The following CDH23 variants were observed in gnomAD, a reference collection of about 807,000 sequenced individuals.
CDH23 encodes cadherin related 23.
A neutral mutation model predicts 317.1 loss-of-function variants in CDH23; 189 were observed. The observed-to-expected ratio is 0.60, with a 90% CI of 0.53 to 0.67. The LOEUF (loss-of-function observed/expected upper bound fraction) is 0.67, where lower values mean the gene tolerates loss of function less well. Ranked by LOEUF, CDH23 falls within the 30% of genes least tolerant of loss-of-function variation. The pLI, the probability that CDH23 is intolerant of heterozygous loss-of-function variation, is 0.00. For synonymous variants in CDH23, 1,839 were observed against 1,876.8 expected, an observed-to-expected ratio of 0.98 and a Z score of 0.52; for missense variants, 4,401 against 4,592.4, an observed-to-expected ratio of 0.96 and a Z score of 1.20.
chr10:71,565,280 T>C (rs951669557), intron 6 of CDH23, among the ~76,000 whole-genome samples: 1 of 152,038 alleles, frequency 6.6e-6, no homozygotes, highest in Non-Finnish European at 1.5e-5. Context: ...CCCCTAGGGC[T>C]GAAGGGAAAG....
At chr10:71,687,746 G>T in intron 19 of CDH23, 27 bp downstream of exon 19, 4 of 1,605,886 alleles carry the variant, frequency 2.5e-6, no homozygotes, top group South Asian at 1.1e-5. Flanking sequence ...GGGGGTGGGG[G>T]GCACATGGAG....
intron 28 of CDH23, chr10:71,715,915 G>T (rs1400268404): frequency 6.9e-7 from 1 of 1,447,142 alleles, no homozygotes; most frequent in East Asian, 2.6e-5. Context: ...GGGATGTGGG[G>T]GCATGTTTGT....
intron 38 of CDH23, among the ~76,000 whole-genome samples, chr10:71,774,161 A>G (rs975179452): frequency 2.4e-4 from 36 of 151,938 alleles, no homozygotes; most frequent in African/African-American, 8.5e-4. Flanking sequence ...TGCAGGCAAC[A>G]CCTGTTGGCG....
At chr10:71,518,509 T>A (rs539121902) in intron 6 of CDH23, among the ~76,000 whole-genome samples, 2 of 152,270 alleles carry the variant, frequency 1.3e-5, no homozygotes, top group Admixed American at 6.5e-5. Flanking sequence ...CTGTCTGCAG[T>A]GAGGACCACC....
At chr10:71,736,660 C>T (rs1271652318) in intron 34 of CDH23, among the ~76,000 whole-genome samples, 2 of 152,216 alleles carry the variant, frequency 1.3e-5, no homozygotes, top group Admixed American at 1.3e-4. Flanking sequence ...AGCAGCCCCC[C>T]TCACCCCTGC....
At chr10:71,777,588 TGGA>T in intron 38 of CDH23, 89 bp from the exon 39 acceptor site, 1 of 1,089,494 alleles carries the variant, frequency 9.2e-7, no homozygotes, top group Non-Finnish European at 1.4e-6. Context: ...TTGAGTCACA[TGGA>T]GTGAGTTCAG....
rs989311565 is a variant in CDH23, at chr10:71,441,109, C to T, written c.67+1211C>T. Among the ~76,000 whole-genome samples, 22 of 152,294 alleles carry T rather than the reference C, an allele frequency of 1.4e-4. 1 individual carries two copies. Among genetic ancestry groups the T allele is most frequent in the Admixed American group, 5.2e-4 (8 of 15,302 alleles). ...AGACTCTCAGAGTGCAAGGGAGCCTCAGGCGCTTTTTTAACTCCCAGCTCA... is the reference window on the plus strand; with the variant it reads ...AGACTCTCAGAGTGCAAGGGAGCCTTAGGCGCTTTTTTAACTCCCAGCTCA... On this transcript the variant is annotated intron_variant, in intron 2 of 69. Transcript: ENST00000224721.
rs543550498 is a variant in CDH23 at position 71,798,294 on chromosome 10, G to A, written c.6830-60G>A. On this transcript the variant is annotated intron_variant, in intron 49 of 69. Transcript: ENST00000224721. ...ACCCGGCTTGGCTGAGGCTAAGGAA[G>A]GCCTGGCCCAGCCACACTAGTGTCC... is the stretch of plus-strand genomic sequence containing the variant. 9.7e-6 allele frequency: 13 copies of A among 1,337,050 alleles called. No individual in the cohort carries two copies. In the East Asian group the frequency reaches 2.8e-4, roughly 28 times the overall value. The allele number at this position is 1,337,050 out of a possible 1,614,324, so 82.8% of individuals were successfully genotyped here.
intron 6 of CDH23, among the ~76,000 whole-genome samples, chr10:71,533,329 C>T (rs570091060): frequency 4.3e-4 from 65 of 152,208 alleles, no homozygotes; most frequent in Admixed American, 7.9e-4. Context: ...TGCCACCTCA[C>T]AGGGTTAGGC....
At chr10:71,690,627 A>C in intron 20 of CDH23, 43 bp downstream of exon 20, 1 of 1,404,338 alleles carries the variant, frequency 7.1e-7, no homozygotes, top group East Asian at 2.5e-5. Flanking sequence ...CCACACCCTG[A>C]GGCTGACTGT....
At chr10:71,640,601 C>T (rs10466023) in intron 11 of CDH23, among the ~76,000 whole-genome samples, 47 of 151,872 alleles carry the variant, frequency 3.1e-4, no homozygotes, top group African/African-American at 1.1e-3. Flanking sequence ...TACAAAAATT[C>T]CCCGGGCGTG....
intron 10 of CDH23, 24 bp from the exon 11 acceptor site, chr10:71,617,181 G>T: frequency 6.2e-7 from 1 of 1,601,664 alleles, no homozygotes; most frequent in South Asian, 1.1e-5. Context: ...CCTTCACTCC[G>T]GGGTGACTGA....
intron 14 of CDH23, among the ~76,000 whole-genome samples, chr10:71,674,676 A>G (rs1864283656): frequency 6.6e-6 from 1 of 152,248 alleles, no homozygotes; most frequent in Non-Finnish European, 1.5e-5. Flanking sequence ...TGAGGCATCA[A>G]GACAGTACAT....
chr10:71,754,729 C>T (rs1840089471), intron 38 of CDH23, among the ~76,000 whole-genome samples: 1 of 152,192 alleles, frequency 6.6e-6, no homozygotes, highest in Non-Finnish European at 1.5e-5. Flanking sequence ...GGACCAAATT[C>T]TTGGACTTGC....
intron 9 of CDH23, 85 bp downstream of exon 9, chr10:71,578,077 C>A: frequency 7.4e-7 from 1 of 1,354,318 alleles, no homozygotes; most frequent in Non-Finnish European, 1.0e-6. Context: ...GCTCTGAGGG[C>A]TAAGGAGAGG....
intron 28 of CDH23, among the ~76,000 whole-genome samples, chr10:71,720,975 A>G (rs1866531033): frequency 6.6e-6 from 1 of 152,174 alleles, no homozygotes; most frequent in Non-Finnish European, 1.5e-5. Context: ...CAGAGTCCCC[A>G]TTGGGATTCC....
intron 1 of CDH23, among the ~76,000 whole-genome samples, chr10:71,428,201 G>A (rs1849201206): frequency 1.4e-5 from 2 of 144,320 alleles, no homozygotes; most frequent in Non-Finnish European, 3.0e-5. Context: ...GCAGTGGCAC[G>A]ATCTCGGCTT....
rs565109979 is a variant in CDH23 at position 71,734,475 on chromosome 10, G to C, written c.4206+134G>C. 1.3e-5 allele frequency: 19 copies of C among 1,506,548 alleles called. No homozygotes were observed. In the South Asian group the frequency reaches 2.1e-4, roughly 16 times the overall value. The allele number at this position is 1,506,548 out of a possible 1,614,324, so 93.3% of individuals were successfully genotyped here. The stretch of plus-strand genomic sequence containing the variant: ...GAGGGTCTTGATAGCCTGAGGCTTC[G>C]CCATGTCCAGCCATGCCACACCTTC... On this transcript the variant is annotated intron_variant, in intron 33 of 69. Transcript: ENST00000224721.
intron 1 of CDH23, among the ~76,000 whole-genome samples, chr10:71,422,027 T>A (rs1848842496): frequency 6.6e-6 from 1 of 152,122 alleles, no homozygotes; most frequent in African/African-American, 2.4e-5. Flanking sequence ...CAAGTTTGGG[T>A]TGAAGGTCTA....
Sources: allele counts gnomAD v4.1 joint callset (sites outside exome capture counted in the v4.1 genomes callset), GRCh38; gene constraint gnomAD v4.1.1; transcripts MANE v1.5; gene names NCBI Gene and HGNC (gene_info 2026-07-23, HGNC 2026-07-21).